The following FAR2 variants were observed in gnomAD, a reference collection of about 807,000 sequenced individuals.
FAR2 encodes the protein fatty acyl-CoA reductase 2.
FAR2 carries 19 observed loss-of-function variants against 56.0 expected under a neutral mutation model. That is an observed-to-expected ratio of 0.34 (90% CI 0.24 to 0.50). The LOEUF (loss-of-function observed/expected upper bound fraction) is 0.50, where lower values mean the gene tolerates loss of function less well. Among genes scored for constraint, FAR2 ranks in the 20% least tolerant of loss-of-function variants. FAR2 has a pLI of 0.98. For synonymous variants in FAR2, 219 were observed against 218.8 expected, an observed-to-expected ratio of 1.00 and a Z score of -0.01; for missense variants, 508 against 642.2, an observed-to-expected ratio of 0.79 and a Z score of 2.26.
intron 1 of FAR2, among the ~76,000 whole-genome samples, chr12:29,222,782 G>T (rs1947710463): frequency 6.6e-6 from 1 of 152,110 alleles, no homozygotes; most frequent in Non-Finnish European, 1.5e-5. Context: ...TTTCAAATTT[G>T]AATTCACCCA....
At chr12:29,332,801 T>C (rs1344038004) in intron 11 of FAR2, 74 bp downstream of exon 11, 3 of 1,381,782 alleles carry the variant, frequency 2.2e-6, no homozygotes, top group African/African-American at 1.4e-5. Context: ...ATAACATTTG[T>C]GCAGAGGAGA....
chr12:29,160,118 T>C (rs1265659946), intron 1 of FAR2, among the ~76,000 whole-genome samples: 2 of 152,156 alleles, frequency 1.3e-5, no homozygotes, highest in Non-Finnish European at 2.9e-5. Context: ...CAGAACAACA[T>C]GGGGTAATGA....
At chr12:29,218,556 GA>G (rs1449319536) in intron 1 of FAR2, among the ~76,000 whole-genome samples, 2 of 152,128 alleles carry the variant, frequency 1.3e-5, no homozygotes, top group Non-Finnish European at 2.9e-5. Flanking sequence ...TGAAGTTCCA[GA>G]AAGACAGGAA....
At chr12:29,153,904 G>T (rs978554527) in intron 1 of FAR2, among the ~76,000 whole-genome samples, 2 of 152,200 alleles carry the variant, frequency 1.3e-5, no homozygotes, top group Non-Finnish European at 2.9e-5. Flanking sequence ...ATGATTTAGA[G>T]ATGCCGTAAG....
chr12:29,287,563 A>G (rs7303611), intron 2 of FAR2, among the ~76,000 whole-genome samples: 9,158 of 152,214 alleles, frequency 0.06, 940 homozygotes, highest in African/African-American at 0.21. Context: ...ACCTTGGGAC[A>G]CCAAATATTC....
intron 1 of FAR2, chr12:29,171,705 T>G (rs1949888207): frequency 6.7e-6 from 1 of 148,282 alleles, no homozygotes; most frequent in Admixed American, 6.7e-5. Flanking sequence ...ATCTGGCATG[T>G]GAGGAGCACC....
At chr12:29,312,323 G>A (rs1048315794) in intron 8 of FAR2, among the ~76,000 whole-genome samples, 1 of 152,106 alleles carries the variant, frequency 6.6e-6, no homozygotes, top group Non-Finnish European at 1.5e-5. Flanking sequence ...ATATGTCACT[G>A]AGAATGCGAC....
At chr12:29,223,158 A>G (rs774909326) in intron 1 of FAR2, among the ~76,000 whole-genome samples, 14 of 152,288 alleles carry the variant, frequency 9.2e-5, no homozygotes, top group Non-Finnish European at 1.2e-4. Context: ...CCAGGATTAC[A>G]GACAGAGAAA....
At chr12:29,234,930 A>G (rs534853329) in intron 1 of FAR2, among the ~76,000 whole-genome samples, 3 of 152,192 alleles carry the variant, frequency 2.0e-5, no homozygotes, top group Non-Finnish European at 4.4e-5. Flanking sequence ...GTAGTTATTC[A>G]TCACGCATAT....
chr12:29,166,481 A>G (rs117836759), intron 1 of FAR2, among the ~76,000 whole-genome samples: 2,899 of 152,226 alleles, frequency 0.019, 34 homozygotes, highest in Non-Finnish European at 0.03. Context: ...CTCTTTGGCA[A>G]TTTCCATAGC....
chr12:29,322,577 G>A (rs892701196), intron 10 of FAR2, among the ~76,000 whole-genome samples: 8 of 152,090 alleles, frequency 5.3e-5, no homozygotes, highest in African/African-American at 1.9e-4. Flanking sequence ...CAGTCACAAA[G>A]GATAAGTCCT....
At chr12:29,262,193 T>A (rs1466319338) in intron 1 of FAR2, among the ~76,000 whole-genome samples, 1 of 150,502 alleles carries the variant, frequency 6.6e-6, no homozygotes, top group Non-Finnish European at 1.5e-5. Context: ...TTTTTATTAG[T>A]TTTCTTTTTG....
chr12:29,180,945 T>G (rs7136626), intron 1 of FAR2, among the ~76,000 whole-genome samples: 105,624 of 151,948 alleles, frequency 0.7, 37,444 homozygotes, highest in Non-Finnish European at 0.77. Flanking sequence ...TTTGGTGTGG[T>G]AGGAGGATGG....
chr12:29,300,493 A>G (rs180718881), intron 4 of FAR2, among the ~76,000 whole-genome samples: 3 of 152,340 alleles, frequency 2.0e-5, no homozygotes, highest in South Asian at 2.1e-4. Flanking sequence ...TTAGGAAAAT[A>G]CTTTGTTTCT....
intron 1 of FAR2, among the ~76,000 whole-genome samples, chr12:29,202,023 A>G (rs1400456928): frequency 6.6e-6 from 1 of 152,216 alleles, no homozygotes; most frequent in Admixed American, 6.5e-5. Flanking sequence ...TATACCACAT[A>G]GAGGATTTTT....
At chr12:29,162,774 A>G (rs1013756207) in intron 1 of FAR2, among the ~76,000 whole-genome samples, 1 of 152,168 alleles carries the variant, frequency 6.6e-6, no homozygotes, top group Non-Finnish European at 1.5e-5. Context: ...TCACACATTT[A>G]CTGTCTCATT....
At chr12:29,211,127 C>T (rs1947541955) in intron 1 of FAR2, among the ~76,000 whole-genome samples, 1 of 151,864 alleles carries the variant, frequency 6.6e-6, no homozygotes, top group South Asian at 2.1e-4. Context: ...CATTCTTCTT[C>T]TTAAGAATAT....
intron 1 of FAR2, among the ~76,000 whole-genome samples, chr12:29,158,758 CTA>C (rs1348085362): frequency 2.0e-5 from 3 of 152,240 alleles, no homozygotes; most frequent in African/African-American, 4.8e-5. Flanking sequence ...TTTGTCTTAA[CTA>C]AGTATATTCA....
At chr12:29,259,222 A>C (rs1324942162) in intron 1 of FAR2, among the ~76,000 whole-genome samples, 2 of 152,218 alleles carry the variant, frequency 1.3e-5, no homozygotes, top group African/African-American at 4.8e-5. Flanking sequence ...CACGCCTGGC[A>C]GATAGGGTCA....
Sources: allele counts gnomAD v4.1 joint callset (sites outside exome capture counted in the v4.1 genomes callset), GRCh38; gene constraint gnomAD v4.1.1; transcripts MANE v1.5; gene names NCBI Gene and HGNC (gene_info 2026-07-23, HGNC 2026-07-21).